The following CSMD1 variants were observed in gnomAD, a reference collection of about 807,000 sequenced individuals.
CSMD1 encodes CUB and Sushi multiple domains 1.
CSMD1 carries 213 observed loss-of-function variants against 417.5 expected under a neutral mutation model. The observed-to-expected ratio is 0.51, with a 90% CI of 0.46 to 0.57. The LOEUF (loss-of-function observed/expected upper bound fraction) is 0.57, where lower values mean the gene tolerates loss of function less well. CSMD1 is among the 20% of genes least tolerant of loss of function. The probability of loss-of-function intolerance (pLI) is 0.00; values close to 1 mark genes in which losing one functional copy is unlikely to be tolerated. For missense variants in CSMD1, 6,923 were observed against 4,529.7 expected, an observed-to-expected ratio of 1.53 and a Z score of -15.17; for synonymous variants, 2,862 against 1,736.8, an observed-to-expected ratio of 1.65 and a Z score of -16.11.
chr8:4,036,099 C>G (rs1281364360), intron 3 of CSMD1, among the ~76,000 whole-genome samples: 1 of 152,192 alleles, frequency 6.6e-6, no homozygotes, highest in Non-Finnish European at 1.5e-5. Flanking sequence ...TACAGGTTTG[C>G]ACTCTAGGAG....
chr8:4,841,920 A>AC (rs1800860451), intron 1 of CSMD1, among the ~76,000 whole-genome samples: 5 of 101,040 alleles, frequency 4.9e-5, no homozygotes, highest in African/African-American at 2.4e-4. Flanking sequence ...TCAAAAAAAA[A>AC]AAAAAAAAAA....
rs573517123 is a variant in CSMD1, at chr8:3,190,053, T to G, written c.5257A>C (p.Ile1753Leu). 1 of 1,595,818 alleles carries G rather than the reference T, an allele frequency of 6.3e-7. No homozygotes were observed. The highest frequency in any genetic ancestry group is 1.1e-5 in the South Asian group (1 of 87,496). Residue 1753 changes from isoleucine to leucine, a missense_variant, in exon 34 of 70, where the codon ATT becomes CTT. Transcript: ENST00000635120. ...SVPEPRYGRR[I>L]GSEFSAGSIV... ...GAGCCGGCAGAAAACTCAGAACCAA[T>G]TCTCCTTCCGTATCTGGGCTCGGGG...
chr8:4,049,761 T>G (rs960448701), intron 3 of CSMD1, among the ~76,000 whole-genome samples: 9 of 152,216 alleles, frequency 5.9e-5, no homozygotes, highest in African/African-American at 2.2e-4. Context: ...AGAATCTCCA[T>G]AAATGGCCAC....
intron 5 of CSMD1, among the ~76,000 whole-genome samples, chr8:3,769,823 A>G (rs1013637102): frequency 3.3e-5 from 5 of 152,190 alleles, no homozygotes; most frequent in Admixed American, 2.6e-4. Context: ...TGTGTGTTGA[A>G]TCAGCACTTT....
intron 1 of CSMD1, among the ~76,000 whole-genome samples, chr8:4,860,158 A>G (rs1802040031): frequency 2.6e-5 from 4 of 150,954 alleles, no homozygotes; most frequent in Admixed American, 6.6e-5. Context: ...AACTATCGCA[A>G]GAACAAAAAA....
chr8:4,320,168 C>T (rs1799186508), intron 3 of CSMD1, among the ~76,000 whole-genome samples: 2 of 152,050 alleles, frequency 1.3e-5, no homozygotes, highest in African/African-American at 4.8e-5. Context: ...TAGAGAAATG[C>T]AAAAATATCC....
chr8:3,338,624 G>C (rs1412884039), intron 23 of CSMD1, among the ~76,000 whole-genome samples: 1 of 152,150 alleles, frequency 6.6e-6, no homozygotes, highest in Non-Finnish European at 1.5e-5. Context: ...CCTCTCCCGT[G>C]ATACCAGCTA....
intron 3 of CSMD1, among the ~76,000 whole-genome samples, chr8:4,233,655 G>A (rs73186138): frequency 0.037 from 5,677 of 152,190 alleles, 122 homozygotes; most frequent in East Asian, 0.087. Context: ...TCTGTGAGAA[G>A]CAAATTTCTG....
chr8:4,089,802 G>C (rs1364773312), intron 3 of CSMD1, among the ~76,000 whole-genome samples: 1 of 152,118 alleles, frequency 6.6e-6, no homozygotes, highest in Non-Finnish European at 1.5e-5. Context: ...AGTCTACCGA[G>C]TGTGTTTGGT....
chr8:4,166,144 A>C (rs927679914), intron 3 of CSMD1, among the ~76,000 whole-genome samples: 3 of 152,320 alleles, frequency 2.0e-5, no homozygotes, highest in African/African-American at 7.2e-5. Context: ...TGTGAACCCC[A>C]TAACATTATT....
At chr8:3,596,313 C>G (rs762499383) in intron 8 of CSMD1, among the ~76,000 whole-genome samples, 31 of 152,168 alleles carry the variant, frequency 2.0e-4, no homozygotes, top group Non-Finnish European at 4.4e-4. Context: ...CATGCCCAGG[C>G]AGCAGCTGGA....
chr8:4,293,691 C>T (rs944008740), intron 3 of CSMD1, among the ~76,000 whole-genome samples: 2 of 152,134 alleles, frequency 1.3e-5, no homozygotes, highest in African/African-American at 2.4e-5. Context: ...TATCTCATTA[C>T]TTAGAATTGC....
intron 2 of CSMD1, among the ~76,000 whole-genome samples, chr8:4,474,173 T>C (rs535195214): frequency 5.9e-5 from 9 of 152,286 alleles, no homozygotes; most frequent in Admixed American, 5.2e-4. Context: ...CACATGGAAA[T>C]AATCTTCGTA....
intron 2 of CSMD1, among the ~76,000 whole-genome samples, chr8:4,476,272 T>C (rs143580649): frequency 6.6e-6 from 1 of 152,274 alleles, no homozygotes; most frequent in East Asian, 1.9e-4. Flanking sequence ...TTCATCATGA[T>C]AGAGACCGGA....
intron 2 of CSMD1, among the ~76,000 whole-genome samples, chr8:4,478,597 G>C (rs1800928713): frequency 6.6e-6 from 1 of 152,160 alleles, no homozygotes; most frequent in African/African-American, 2.4e-5. Flanking sequence ...TGAAGCAAAA[G>C]AAAGTATTAT....
intron 1 of CSMD1, among the ~76,000 whole-genome samples, chr8:4,782,422 A>G (rs960638726): frequency 9.2e-5 from 14 of 152,270 alleles, no homozygotes; most frequent in African/African-American, 3.1e-4. Flanking sequence ...TATAAAAGAC[A>G]CCACAGTTTT....
At chr8:4,895,212 A>G (rs1022436896) in intron 1 of CSMD1, among the ~76,000 whole-genome samples, 7 of 152,202 alleles carry the variant, frequency 4.6e-5, no homozygotes, top group South Asian at 2.1e-4. Flanking sequence ...TAAGCTAACC[A>G]TGTACAACTA....
chr8:3,435,194 T>G (rs1271010110), intron 12 of CSMD1, among the ~76,000 whole-genome samples: 5 of 152,182 alleles, frequency 3.3e-5, no homozygotes, highest in Non-Finnish European at 7.3e-5. Context: ...AAAAGCCCCT[T>G]GATATGTTCA....
chr8:4,230,580 T>A (rs1268078780), intron 3 of CSMD1, among the ~76,000 whole-genome samples: 1 of 152,134 alleles, frequency 6.6e-6, no homozygotes, highest in Admixed American at 6.5e-5. Flanking sequence ...ATAAAACACA[T>A]CCTTAATGTT....
Sources: allele counts gnomAD v4.1 joint callset (sites outside exome capture counted in the v4.1 genomes callset), GRCh38; gene constraint gnomAD v4.1.1; transcripts MANE v1.5; gene names NCBI Gene and HGNC (gene_info 2026-07-23, HGNC 2026-07-21).